TMEM44: variants seen among roughly 807,000 people sequenced by gnomAD.
TMEM44 encodes transmembrane protein 44.
In TMEM44, 43 loss-of-function variants were observed where a neutral mutation model predicts 47.8. The observed-to-expected ratio is 0.90, with a 90% confidence interval of 0.70 to 1.16. The LOEUF (loss-of-function observed/expected upper bound fraction) is 1.16. Ranked by LOEUF, TMEM44 falls within the 50% of genes most tolerant of loss-of-function variation. The pLI is 0.00. For synonymous variants in TMEM44, 277 were observed against 238.8 expected (o/e 1.16, Z -1.48); for missense variants, 568 against 555.2 (o/e 1.02, Z -0.23).
At chr3:194,615,333 TG>T (rs1315218046) in intron 7 of TMEM44, among the ~76,000 whole-genome samples, 3 of 152,202 alleles carry the variant, frequency 2.0e-5, no homozygotes, top group Non-Finnish European at 4.4e-5. Flanking sequence ...CCGGCCCTCA[TG>T]GAGGCTCAAT....
chr3:194,594,149 A>G (rs71317915), intron 9 of TMEM44, among the ~76,000 whole-genome samples: 37,560 of 98,510 alleles, frequency 0.38, 5,121 homozygotes, highest in East Asian at 0.62. Context: ...CTATCTATCT[A>G]TCTATCTATC....
At chr3:194,603,763 G>A (rs2410962) in intron 9 of TMEM44, among the ~76,000 whole-genome samples, 19,278 of 152,104 alleles carry the variant, frequency 0.13, 2,757 homozygotes, top group African/African-American at 0.36. Context: ...TGAAGACCGG[G>A]CCCCAATATG....
intron 1 of TMEM44, 62 bp from the exon 2 acceptor site, chr3:194,628,571 T>A: frequency 6.6e-7 from 1 of 1,526,122 alleles, no homozygotes; most frequent in Non-Finnish European, 8.8e-7. Context: ...AACGCATGTA[T>A]CTAAAAAGGG....
chr3:194,592,712 T>G (rs1712917170), intron 9 of TMEM44, among the ~76,000 whole-genome samples: 1 of 151,864 alleles, frequency 6.6e-6, no homozygotes, highest in African/African-American at 2.4e-5. Flanking sequence ...ATCTCCCAGG[T>G]TCAAGCGATT....
At chr3:194,597,368 G>C (rs985322742) in intron 9 of TMEM44, 6 of 152,112 alleles carry the variant, frequency 3.9e-5, no homozygotes, top group African/African-American at 1.2e-4. Context: ...GCCTTTAAAA[G>C]GTATAGGAGG....
chr3:194,595,106 C>G (rs1165630296), intron 9 of TMEM44, among the ~76,000 whole-genome samples: 1 of 152,144 alleles, frequency 6.6e-6, no homozygotes, highest in East Asian at 1.9e-4. Flanking sequence ...AAATTCTATC[C>G]TTAGAAGAAG....
intron 1 of TMEM44, among the ~76,000 whole-genome samples, chr3:194,632,497 C>A (rs1411402152): frequency 6.6e-6 from 1 of 152,156 alleles, no homozygotes; most frequent in African/African-American, 2.4e-5. Flanking sequence ...TCTGGACAAA[C>A]CAGTCCAGGT....
chr3:194,611,850 T>C lies in TMEM44; in HGVS notation c.913-830A>G, dbSNP rs570095300. On this transcript the variant is annotated intron_variant, in intron 7 of 9. Transcript: ENST00000347147. This position sits in a 1 kb window ranked among gnomAD's most constrained non-coding sequence, Gnocchi z 4.2. The stretch of plus-strand genomic sequence containing the variant: ...CAGCCTGGTCAACATAGTGAAACCC[T>C]GTCTCTACTAAAAATACAAAAATTG... 3.7e-4 allele frequency among the ~76,000 whole-genome samples: 56 copies of C among 152,104 alleles called. No individual in the cohort carries two copies. Among genetic ancestry groups the C allele is most frequent in the African/African-American group, 1.3e-3 (52 of 41,522 alleles).
chr3:194,613,366 C>T (rs1345812028), intron 7 of TMEM44, among the ~76,000 whole-genome samples: 5 of 148,160 alleles, frequency 3.4e-5, no homozygotes, highest in South Asian at 4.3e-4. Flanking sequence ...TTAGTAGAGA[C>T]GGAGTTTCAC....
chr3:194,617,555 C>G, intron 5 of TMEM44: 1 of 651,826 alleles, frequency 1.5e-6, no homozygotes, highest in Non-Finnish European at 2.8e-6. Flanking sequence ...ACGCATCCCT[C>G]CAGCGGAGTA....
intron 2 of TMEM44, 86 bp from the exon 3 acceptor site, chr3:194,626,076 A>G: frequency 1.0e-6 from 1 of 986,070 alleles, no homozygotes; most frequent in Non-Finnish European, 1.6e-6. Flanking sequence ...CCTGTATCAC[A>G]TGGGTTACAC....
chr3:194,620,511 A>G (rs1475717167), intron 5 of TMEM44, among the ~76,000 whole-genome samples: 4 of 152,136 alleles, frequency 2.6e-5, no homozygotes, highest in African/African-American at 7.2e-5. Context: ...GGTGCCTGCA[A>G]TGCAGTGGGA....
At chr3:194,592,037 T>G (rs1234709603) in intron 9 of TMEM44, among the ~76,000 whole-genome samples, 1 of 151,740 alleles carries the variant, frequency 6.6e-6, no homozygotes, top group Non-Finnish European at 1.5e-5. Context: ...GCTAACAAGG[T>G]GAAACCCCGT....
At chr3:194,598,581 G>A (rs190517490) in intron 9 of TMEM44, among the ~76,000 whole-genome samples, 72 of 152,276 alleles carry the variant, frequency 4.7e-4, no homozygotes, top group Non-Finnish European at 8.8e-4. Context: ...GGCAAACGGT[G>A]CTGGGAAGCG....
intron 7 of TMEM44, among the ~76,000 whole-genome samples, chr3:194,613,668 T>G (rs182692494): frequency 6.6e-6 from 1 of 150,568 alleles, no homozygotes; most frequent in African/African-American, 2.4e-5. Context: ...AATTTTTGTA[T>G]TTTTAGTAGA....
At chr3:194,607,158 T>C (rs922735070) in intron 8 of TMEM44, among the ~76,000 whole-genome samples, 1 of 152,052 alleles carries the variant, frequency 6.6e-6, no homozygotes, top group Non-Finnish European at 1.5e-5. Context: ...AGCTCTCACT[T>C]TGTTCTGCAA....
chr3:194,616,957 C>A, intron 6 of TMEM44, 142 bp downstream of exon 6: 1 of 909,550 alleles, frequency 1.1e-6, no homozygotes, highest in Admixed American at 3.4e-5. Flanking sequence ...GTTTGCCTGC[C>A]CCAAGCTTCA....
rs1156769012 is a variant in TMEM44, at chr3:194,587,681, T to G, written c.*848A>C. On this transcript the variant is annotated 3_prime_UTR_variant, in exon 10 of 10. Transcript: ENST00000347147. ...GCCATTGCACTCCACAGTGAGATAC[T>G]TGAATTGATTTAAAATTTATTCACC... The G allele has an allele frequency of 6.6e-6, 1 of 152,268 alleles. No homozygotes were observed. Among genetic ancestry groups the G allele is most frequent in the African/African-American group, 2.4e-5 (1 of 41,468 alleles). The allele number at this position is 152,268 out of a possible 1,614,324, so 9.4% of individuals were successfully genotyped here. A position where few individuals can be genotyped will look rare whatever the true frequency, so the allele number is the denominator to read the frequency against.
At chr3:194,628,721 C>G (rs374933265) in intron 1 of TMEM44, among the ~76,000 whole-genome samples, 20 of 152,196 alleles carry the variant, frequency 1.3e-4, no homozygotes, top group Admixed American at 3.9e-4. Context: ...AGCTAGACCT[C>G]GTGAGATGTG....
Sources: gnomAD v4.1 joint callset for allele counts (sites outside exome capture counted in the v4.1 genomes callset) on GRCh38, gnomAD v4.1.1 for gene constraint, Gnocchi (gnomAD v3.1) non-coding constraint, MANE v1.5 for transcripts, NCBI Gene and HGNC (gene_info 2026-07-23, HGNC 2026-07-21) for gene names.